Variants in TTC3 observed in about 807,000 individuals in gnomAD.
TTC3 encodes the protein E3 ubiquitin-protein ligase TTC3.
Under a neutral mutation model 249.6 loss-of-function variants are expected in TTC3, and 180 were observed. The ratio of observed to expected loss-of-function variants is 0.72; its 90% CI spans 0.64 to 0.82. TTC3 has a LOEUF of 0.82. TTC3 is among the 40% of genes least tolerant of loss of function. TTC3 has a pLI of 0.00. For synonymous variants in TTC3, 717 were observed against 805.0 expected, an observed-to-expected ratio of 0.89 and a Z score of 1.85; for missense variants, 2,061 against 2,398.4, an observed-to-expected ratio of 0.86 and a Z score of 2.94.
Position 37,081,244 on chromosome 21 carries a change from A to G in TTC3, c.-11-6003A>G, listed in dbSNP as rs1338190827. Among the ~76,000 whole-genome samples, 11 of 149,228 alleles carry G rather than the reference A, an allele frequency of 7.4e-5. No individual in the cohort carries two copies. In the Admixed American group the frequency reaches 7.4e-4, roughly 10 times the overall value. ...GCGATTCTCCTGCCTCAGACTCCCA[A>G]GTAGCTGGGACTACAGGCACCTGCC... On this transcript the variant is annotated intron_variant, in intron 1 of 45. Transcript: ENST00000355666.
At chr21:37,200,634 G>A (rs560370263) in intron 45 of TTC3, among the ~76,000 whole-genome samples, 2 of 152,310 alleles carry the variant, frequency 1.3e-5, no homozygotes, top group African/African-American at 4.8e-5. Flanking sequence ...TTGACTAAAT[G>A]GAGAAACAGT....
intron 42 of TTC3, among the ~76,000 whole-genome samples, chr21:37,196,969 G>C (rs916915462): frequency 6.6e-6 from 1 of 152,220 alleles, no homozygotes; most frequent in African/African-American, 2.4e-5. Flanking sequence ...CGCTGTTCAG[G>C]TTGTTACGAG....
chr21:37,121,495 T>G (rs1274308765), intron 11 of TTC3, among the ~76,000 whole-genome samples: 3 of 152,260 alleles, frequency 2.0e-5, no homozygotes, highest in Non-Finnish European at 2.9e-5. Flanking sequence ...CATTTTTTAC[T>G]TTATCTGGCA....
At chr21:37,166,735 C>T in intron 33 of TTC3, 120 bp downstream of exon 33, 1 of 1,416,446 alleles carries the variant, frequency 7.1e-7, no homozygotes, top group South Asian at 1.6e-5. Context: ...ATTACTGAAG[C>T]TTTTGCCTGA....
At chr21:37,190,130 CTTTTTTTTTTTTTTTT>C (rs138862573) in intron 39 of TTC3, among the ~76,000 whole-genome samples, 12 of 65,024 alleles carry the variant, frequency 1.8e-4, no homozygotes, top group Non-Finnish European at 3.3e-4. Context: ...CTTTTTCTTT[CTTTTTTTTTTTTTTTT>C]TTTTTTTTTT....
chr21:37,147,401 C>A, intron 21 of TTC3, 80 bp from the exon 22 acceptor site: 2 of 1,312,372 alleles, frequency 1.5e-6, no homozygotes, highest in Non-Finnish European at 2.0e-6. Context: ...ATTTTGATGG[C>A]AAGAGGTTAT....
At chr21:37,139,741 A>G (rs1020838247) in intron 19 of TTC3, among the ~76,000 whole-genome samples, 7 of 152,134 alleles carry the variant, frequency 4.6e-5, no homozygotes, top group Non-Finnish European at 1.5e-5. Flanking sequence ...ACCATATTTT[A>G]CCTTATTAGA....
At chr21:37,121,745 AT>A (rs1428868777) in intron 11 of TTC3, 71 bp from the exon 12 acceptor site, 7 of 1,391,472 alleles carry the variant, frequency 5.0e-6, no homozygotes, top group Non-Finnish European at 5.7e-6. Context: ...CAAGCAAAAC[AT>A]TTTTCCTTAC....
intron 14 of TTC3, 54 bp downstream of exon 14, chr21:37,124,796 T>C (rs1398599298): frequency 1.0e-5 from 16 of 1,590,578 alleles, no homozygotes; most frequent in Non-Finnish European, 1.4e-5. Context: ...TCTCATATTT[T>C]TACAGTAATA....
Position 37,155,483 on chromosome 21 carries a change from C to G in TTC3, c.2741-1172C>G, listed in dbSNP as rs558912094. Among the ~76,000 whole-genome samples, 7 of 152,212 alleles carry G rather than the reference C, an allele frequency of 4.6e-5. No homozygotes were observed. In the East Asian group the frequency reaches 1.2e-3, roughly 25 times the overall value. ...TTATTGTGTGAGTATTCTACATGGT[C>G]CCTTATTCTGGTGTTTAAAGATCCT... On this transcript the variant is annotated intron_variant, in intron 27 of 45. Coordinates refer to ENST00000355666, the Ensembl canonical transcript of TTC3.
At chr21:37,099,144 T>G (rs1245891947) in intron 10 of TTC3, 1 of 152,138 alleles carries the variant, frequency 6.6e-6, no homozygotes, top group Non-Finnish European at 1.5e-5. Context: ...AATAATTAAT[T>G]TATCCTGAAA....
rs934014432 is a variant in TTC3, at chr21:37,144,634, C to CA, written c.1888dup (p.Ile630AsnfsTer10). 1.2e-5 allele frequency: 20 copies of CA among 1,605,042 alleles called. No homozygotes were observed. Among genetic ancestry groups the CA allele is most frequent in the Non-Finnish European group, 1.6e-5 (19 of 1,176,628 alleles). ...TGTGATTATTGAAGAGTCTCAGCCA[C>CA]AAAAAATAAAGGTAACCATTTATTT... On this transcript the variant is annotated frameshift_variant, in exon 21 of 46. Coordinates refer to ENST00000355666, the Ensembl canonical transcript of TTC3. LOFTEE classifies it high-confidence loss of function.
chr21:37,197,583 G>A (rs1024198189), exon 43 of TTC3: 5 of 1,611,650 alleles, frequency 3.1e-6, no homozygotes, highest in Non-Finnish European at 4.2e-6. Flanking sequence ...TGAGCTTGCT[G>A]GTTTTATTAA....
chr21:37,087,611 T>C (rs377026139), intron 2 of TTC3, among the ~76,000 whole-genome samples: 1 of 151,856 alleles, frequency 6.6e-6, no homozygotes, highest in African/African-American at 2.4e-5. Flanking sequence ...CAAAAGGTGG[T>C]TTTCTGACAG....
chr21:37,148,725 A>T (rs892821395), intron 23 of TTC3, 78 bp downstream of exon 23: 2 of 881,512 alleles, frequency 2.3e-6, no homozygotes, highest in African/African-American at 3.5e-5. Context: ...TTCCTTCCTG[A>T]ACATTCTGCA....
chr21:37,083,529 T>C, intron 1 of TTC3: 1 of 480,928 alleles, frequency 2.1e-6, no homozygotes, highest in Non-Finnish European at 2.7e-6. Context: ...TTTAGATTTC[T>C]TAGGGAAGCA....
chr21:37,104,512 C>T (rs985019880), intron 10 of TTC3, among the ~76,000 whole-genome samples: 10 of 145,408 alleles, frequency 6.9e-5, no homozygotes, highest in South Asian at 2.1e-4. Flanking sequence ...ATTGCTTGAA[C>T]GTGGGAGGCG....
chr21:37,091,329 A>C, exon 7 of TTC3: 1 of 1,611,988 alleles, frequency 6.2e-7, no homozygotes, highest in Non-Finnish European at 8.5e-7. Flanking sequence ...GAATTGGATA[A>C]AATATGCAGG....
At chr21:37,174,351 C>A (rs545413268) in intron 35 of TTC3, among the ~76,000 whole-genome samples, 1 of 152,280 alleles carries the variant, frequency 6.6e-6, no homozygotes, top group African/African-American at 2.4e-5. Context: ...TTAGACTTGC[C>A]ACGTAAAATG....
Sources: allele counts gnomAD v4.1 joint callset (sites outside exome capture counted in the v4.1 genomes callset), GRCh38; gene constraint gnomAD v4.1.1; transcripts MANE v1.5; gene names NCBI Gene and HGNC (gene_info 2026-07-23, HGNC 2026-07-21).